Variants in DLC1 observed in about 807,000 individuals in gnomAD.
DLC1 encodes the protein rho GTPase-activating protein 7.
DLC1 carries 54 observed loss-of-function variants against 140.3 expected under a neutral mutation model. That is an observed-to-expected ratio of 0.38 (90% confidence interval 0.31 to 0.48). DLC1 has a LOEUF of 0.48. Ranked by LOEUF, DLC1 falls within the 20% of genes least tolerant of loss-of-function variation. DLC1 has a pLI of 0.96. For missense variants in DLC1, 2,536 were observed against 1,907.0 expected, an observed-to-expected ratio of 1.33 and a Z score of -6.14; for synonymous variants, 986 against 728.1, an observed-to-expected ratio of 1.35 and a Z score of -5.70.
At position 13,098,571 on chromosome 8, in the gene DLC1, G is replaced by C; in HGVS notation, c.2995C>G (p.Arg999Gly). 2 of 1,613,086 alleles carry C rather than the reference G, an allele frequency of 1.2e-6. No individual in the cohort carries two copies. The highest frequency in any genetic ancestry group is 1.7e-6 in the Non-Finnish European group (2 of 1,179,542). Reference protein sequence around the residue: ...GASLTRSNRHRLRWHSFQSSH... With the variant: ...GASLTRSNRHGLRWHSFQSSH... ...CTCTGGAAACTGTGCCATCTCAGTC[G>C]GTGCCTGCGAGAGAAGAGGAGAGGA... Residue 999 changes from arginine to glycine, a missense_variant, in exon 10 of 18, where the codon CGA becomes GGA. Physicochemically the swap from Arg to Gly is moderately radical, Grantham distance 125 (BLOSUM62 -2). Coordinates refer to ENST00000276297, the MANE Select transcript of DLC1 (RefSeq NM_182643.3).
At chr8:13,302,413 C>T (rs1230603913) in intron 5 of DLC1, among the ~76,000 whole-genome samples, 1 of 152,174 alleles carries the variant, frequency 6.6e-6, no homozygotes, top group Non-Finnish European at 1.5e-5. Context: ...TTCAAACTTG[C>T]CTCCCTTTGA....
At chr8:13,524,530 A>C (rs1405223229) in intron 1 of DLC1, among the ~76,000 whole-genome samples, 1 of 152,190 alleles carries the variant, frequency 6.6e-6, no homozygotes, top group Non-Finnish European at 1.5e-5. Flanking sequence ...GAAACAAAAA[A>C]TTGTTTTACA....
intron 4 of DLC1, among the ~76,000 whole-genome samples, chr8:13,323,305 T>A (rs1401247786): frequency 6.6e-6 from 1 of 152,244 alleles, no homozygotes; most frequent in Non-Finnish European, 1.5e-5. Flanking sequence ...AAACTATGAC[T>A]CAACTAAAAG....
At chr8:13,567,381 A>G (rs1304022996) in intron 1 of DLC1, 8 of 1,551,582 alleles carry the variant, frequency 5.2e-6, no homozygotes, top group Non-Finnish European at 7.0e-6. Flanking sequence ...CCATGAAGAT[A>G]AATTTGATTC....
At chr8:13,336,521 T>TAAAGC (rs1353426577) in intron 4 of DLC1, among the ~76,000 whole-genome samples, 1 of 152,216 alleles carries the variant, frequency 6.6e-6, no homozygotes, top group Admixed American at 6.5e-5. Context: ...TAAACCAAGA[T>TAAAGC]AAAGCCATCA....
rs1817300071 is a variant in DLC1, at chr8:13,083,418, C to CGCT, written c.*2390_*2392dup. 6.6e-6 allele frequency: 1 copy of CGCT among 151,954 alleles called. No homozygotes were observed. Among genetic ancestry groups the CGCT allele is most frequent in the Non-Finnish European group, 1.5e-5 (1 of 68,004 alleles). The allele number at this position is 151,954 out of a possible 1,614,324, so 9.4% of individuals were successfully genotyped here. A position where few individuals can be genotyped will look rare whatever the true frequency, so the allele number is the denominator to read the frequency against. On this transcript the variant is annotated 3_prime_UTR_variant, in exon 18 of 18. Transcript: ENST00000276297. ...CCTACAAGTACAAAATACTGAAAGC[C>CGCT]GCTGCAGGGGATTATAAAGATGTGT...
At chr8:13,334,079 G>A (rs931896462) in intron 4 of DLC1, among the ~76,000 whole-genome samples, 5 of 152,156 alleles carry the variant, frequency 3.3e-5, no homozygotes, top group African/African-American at 1.2e-4. Context: ...ATATGGTGGA[G>A]AGCGAGGGAT....
intron 5 of DLC1, among the ~76,000 whole-genome samples, chr8:13,207,328 G>GCTAGA (rs1376283512): frequency 2.0e-5 from 3 of 152,040 alleles, no homozygotes; most frequent in Non-Finnish European, 4.4e-5. Context: ...TTACTGTTAG[G>GCTAGA]CTAGATAAAA....
At chr8:13,324,100 G>A (rs1833236986) in intron 4 of DLC1, among the ~76,000 whole-genome samples, 2 of 152,100 alleles carry the variant, frequency 1.3e-5, no homozygotes, top group South Asian at 4.2e-4. Context: ...TTTTTTTTGA[G>A]TCTTGCATCA....
rs1239305158 is a variant in DLC1 at position 13,084,376 on chromosome 8, A to C, written c.*1435T>G. 1.3e-5 allele frequency: 2 copies of C among 152,612 alleles called. No individual in the cohort carries two copies. Among genetic ancestry groups the C allele is most frequent in the African/African-American group, 4.8e-5 (2 of 41,446 alleles). The allele number at this position is 152,612 out of a possible 1,614,324, so 9.5% of individuals were successfully genotyped here. ...GTAACTAAATTATAACAAAATAAAA[A>C]TCCTTCTTACAGCTCTCATTCATAC... On this transcript the variant is annotated 3_prime_UTR_variant, in exon 18 of 18. Coordinates refer to ENST00000276297, the MANE Select transcript of DLC1 (RefSeq NM_182643.3).
At chr8:13,187,587 G>A (rs565908222) in intron 5 of DLC1, among the ~76,000 whole-genome samples, 3 of 152,266 alleles carry the variant, frequency 2.0e-5, no homozygotes, top group African/African-American at 7.2e-5. Flanking sequence ...GAGACGCAGA[G>A]AAAGACACTT....
At chr8:13,243,268 T>C (rs1407763816) in intron 5 of DLC1, among the ~76,000 whole-genome samples, 1 of 117,690 alleles carries the variant, frequency 8.5e-6, no homozygotes, top group Admixed American at 1.2e-4. Flanking sequence ...CCAGCCTGGG[T>C]GACAAGAGTG....
At chr8:13,601,809 A>G (rs369446407) in intron 1 of DLC1, among the ~76,000 whole-genome samples, 5 of 151,930 alleles carry the variant, frequency 3.3e-5, no homozygotes, top group African/African-American at 1.2e-4. Flanking sequence ...AACAACAACA[A>G]CAACAGCAAA....
At position 13,100,453 on chromosome 8, in the gene DLC1, G is replaced by C; in HGVS notation, c.1884C>G (p.Ser628Arg). Residue 628 changes from serine (S) to arginine (R), a missense_variant, in exon 9 of 18, where the codon AGC becomes AGG. By Grantham distance (110) the Ser-to-Arg change is moderately radical. Coordinates refer to ENST00000276297, the MANE Select transcript of DLC1 (RefSeq NM_182643.3). Reference protein sequence around the residue: ...TNSVISVCSSSNLAGNDDSFG... With the variant: ...TNSVISVCSSRNLAGNDDSFG... ...AAGAGTCGTCATTGCCTGCCAAGTTGCTGGAGGAGCAAACGCTGATGACGG... is the reference window on the plus strand; with the variant it reads ...AAGAGTCGTCATTGCCTGCCAAGTTCCTGGAGGAGCAAACGCTGATGACGG... 1 of 1,613,850 alleles carries C rather than the reference G, an allele frequency of 6.2e-7. No homozygotes were observed. Among genetic ancestry groups the C allele is most frequent in the Non-Finnish European group, 8.5e-7 (1 of 1,180,030 alleles).
chr8:13,443,736 T>C (rs563116972), intron 2 of DLC1, among the ~76,000 whole-genome samples: 1 of 148,644 alleles, frequency 6.7e-6, no homozygotes, highest in Admixed American at 6.6e-5. Flanking sequence ...CGCAGGCAAA[T>C]AGATTTCTCT....
chr8:13,553,751 G>T (rs1803945864), intron 1 of DLC1, among the ~76,000 whole-genome samples: 1 of 151,978 alleles, frequency 6.6e-6, no homozygotes. Context: ...TAGAACAAAT[G>T]CCCATCAGTC....
chr8:13,518,120 G>GTTTTTGTTTTT (rs1249263650), upstream of DLC1, among the ~76,000 whole-genome samples: 4,880 of 151,814 alleles, frequency 0.032, 269 homozygotes, highest in African/African-American at 0.11. Context: ...TTTTGTTTTT[G>GTTTTTGTTTTT]TTTTTGAGAC....
intron 5 of DLC1, among the ~76,000 whole-genome samples, chr8:13,272,371 G>C (rs1032519224): frequency 6.6e-6 from 1 of 152,018 alleles, no homozygotes; most frequent in East Asian, 1.9e-4. Flanking sequence ...AACCAGGGAG[G>C]TGGAGGTTGC....
chr8:13,250,515 A>T (rs1384174408), intron 5 of DLC1, among the ~76,000 whole-genome samples: 2 of 152,228 alleles, frequency 1.3e-5, no homozygotes, highest in Admixed American at 1.3e-4. Flanking sequence ...TACTTACTTT[A>T]ATCCACATCA....
Sources: gnomAD v4.1 joint callset for allele counts (sites outside exome capture counted in the v4.1 genomes callset) on GRCh38, gnomAD v4.1.1 for gene constraint, MANE v1.5 for transcripts, NCBI Gene and HGNC (gene_info 2026-07-23, HGNC 2026-07-21) for gene names.